SCG5: variants seen among roughly 807,000 people sequenced by gnomAD.
SCG5 encodes the protein neuroendocrine protein 7B2.
Under a neutral mutation model 25.7 loss-of-function variants are expected in SCG5, and 18 were observed. That is an observed-to-expected ratio of 0.70 (90% confidence interval 0.48 to 1.04). SCG5 has a LOEUF of 1.04. Among genes scored for constraint, SCG5 ranks in the 50% least tolerant of loss-of-function variants. The probability of loss-of-function intolerance (pLI) is 0.00; values close to 1 mark genes in which losing one functional copy is unlikely to be tolerated. For synonymous variants in SCG5, 101 were observed against 91.7 expected, an observed-to-expected ratio of 1.10 and a Z score of -0.58; for missense variants, 206 against 259.8, an observed-to-expected ratio of 0.79 and a Z score of 1.42.
At chr15:32,654,937 C>T (rs189905057) in intron 2 of SCG5, among the ~76,000 whole-genome samples, 2 of 152,284 alleles carry the variant, frequency 1.3e-5, no homozygotes, top group Non-Finnish European at 2.9e-5. Context: ...AGCATTTTGA[C>T]GGTAATAACC....
chr15:32,686,456 G>T (rs2054710940), intron 4 of SCG5, among the ~76,000 whole-genome samples: 1 of 151,914 alleles, frequency 6.6e-6, no homozygotes, highest in South Asian at 2.1e-4. Context: ...AACTAGAATT[G>T]GTATACGGAA....
chr15:32,669,161 A>C (rs913262255), intron 2 of SCG5: 2 of 152,188 alleles, frequency 1.3e-5, no homozygotes, highest in Middle Eastern at 6.3e-3. Flanking sequence ...ACTCATTATC[A>C]TGTTAGTAGA....
At chr15:32,653,366 T>C (rs955280619) in intron 2 of SCG5, among the ~76,000 whole-genome samples, 1 of 152,374 alleles carries the variant, frequency 6.6e-6, no homozygotes, top group African/African-American at 2.4e-5. Flanking sequence ...GTATGGCAAC[T>C]ACTAATTGCT....
At chr15:32,690,886 TA>T (rs77347591) in intron 4 of SCG5, among the ~76,000 whole-genome samples, 1 of 150,254 alleles carries the variant, frequency 6.7e-6, no homozygotes, top group Non-Finnish European at 1.5e-5. Flanking sequence ...TTCCTCCAGA[TA>T]AAAAAAATCA....
At chr15:32,684,299 A>G (rs1335377281) in intron 3 of SCG5, 2 of 420,626 alleles carry the variant, frequency 4.8e-6, no homozygotes, top group African/African-American at 4.1e-5. Flanking sequence ...AGGCTGGGAA[A>G]TTAGTCTAGC....
At chr15:32,672,903 C>T (rs1389477000) in intron 2 of SCG5, 6 of 118,704 alleles carry the variant, frequency 5.1e-5, no homozygotes, top group Non-Finnish European at 9.9e-5. Flanking sequence ...CTGTTGAAAC[C>T]ATAACATCAC....
chr15:32,695,851 G>A (rs1467576926), intron 5 of SCG5, among the ~76,000 whole-genome samples: 1 of 152,036 alleles, frequency 6.6e-6, no homozygotes, highest in Non-Finnish European at 1.5e-5. Context: ...ATGGGTCTTG[G>A]TATCTAAATT....
chr15:32,666,115 T>C (rs2054313860), intron 2 of SCG5, among the ~76,000 whole-genome samples: 1 of 152,212 alleles, frequency 6.6e-6, no homozygotes, highest in South Asian at 2.1e-4. Flanking sequence ...AGGTCTTCTT[T>C]TCCCCGAATG....
chr15:32,670,845 C>T (rs1475752493), intron 2 of SCG5, among the ~76,000 whole-genome samples: 1 of 152,214 alleles, frequency 6.6e-6, no homozygotes, highest in Non-Finnish European at 1.5e-5. Context: ...GTAAAAAGCT[C>T]AAATGTCCTG....
At chr15:32,679,951 G>A (rs771954680) in intron 3 of SCG5, 36 bp downstream of exon 3, 19 of 1,558,036 alleles carry the variant, frequency 1.2e-5, no homozygotes, top group Non-Finnish European at 1.5e-5. Flanking sequence ...ATGAAAAGTT[G>A]GGGCTTTGGA....
Position 32,643,802 on chromosome 15 carries a change from C to A in SCG5, c.210C>A (p.Gly70=), listed in dbSNP as rs1567067298. 1 of 1,613,264 alleles carries A rather than the reference C, an allele frequency of 6.2e-7. No individual in the cohort carries two copies. The highest frequency in any genetic ancestry group is 8.5e-7 in the Non-Finnish European group (1 of 1,179,648). The change falls in exon 2 of 6, where the codon GGC becomes GGA. Residue 70 remains glycine, a synonymous_variant. Transcript: ENST00000300175. ...CTCACCAGGCCATGAATCTTGTGGG[C>A]CCCCAGAGCATTGAAGGTATTTACT... ...YPAHQAMNLV[G]PQSIEGGAHE...
In SCG5 at chr15:32,642,461, G is replaced by A. The variant is rs535300144; in HGVS notation, c.-8+683G>A. On this transcript the variant is annotated intron_variant, in intron 1 of 5. Coordinates refer to ENST00000300175, the MANE Select transcript of SCG5 (RefSeq NM_001144757.3). ...TGGGCGCCTGTAATTCCAGCTACTC[G>A]GGAGGCTGAGGCAGGAGAATCACTT... Among the ~76,000 whole-genome samples the A allele has an allele frequency of 3.3e-5, 5 of 151,224 alleles. No individual in the cohort carries two copies. In the South Asian group the frequency reaches 8.4e-4, roughly 25 times the overall value.
intron 2 of SCG5, among the ~76,000 whole-genome samples, chr15:32,669,927 T>C (rs937016225): frequency 1.3e-5 from 2 of 150,638 alleles, no homozygotes; most frequent in African/African-American, 4.9e-5. Context: ...TTAAGCAAAA[T>C]ACCTTAAAAG....
chr15:32,693,657 G>A (rs556745249), intron 5 of SCG5, among the ~76,000 whole-genome samples: 50 of 152,294 alleles, frequency 3.3e-4, no homozygotes, highest in African/African-American at 1.1e-3. Flanking sequence ...CTCAGCATCT[G>A]CTGTGAGTTT....
chr15:32,674,233 C>T (rs1417153386), intron 2 of SCG5, among the ~76,000 whole-genome samples: 2 of 152,186 alleles, frequency 1.3e-5, no homozygotes, highest in Non-Finnish European at 2.9e-5. Flanking sequence ...ACCGATGCTT[C>T]AGTGATCTGA....
intron 2 of SCG5, among the ~76,000 whole-genome samples, chr15:32,655,623 C>T (rs985422564): frequency 1.6e-4 from 25 of 152,120 alleles, no homozygotes; most frequent in Non-Finnish European, 4.4e-5. Flanking sequence ...GATGCCTAAT[C>T]CCCACTGCAA....
At chr15:32,642,750 C>T (rs1423857702) in intron 1 of SCG5, among the ~76,000 whole-genome samples, 12 of 151,896 alleles carry the variant, frequency 7.9e-5, no homozygotes, top group Non-Finnish European at 1.6e-4. Flanking sequence ...TAGTTAACTC[C>T]CTCTCACCAC....
chr15:32,688,497 T>C (rs903638524), intron 4 of SCG5, among the ~76,000 whole-genome samples: 1 of 152,174 alleles, frequency 6.6e-6, no homozygotes, highest in Non-Finnish European at 1.5e-5. Flanking sequence ...TGCTCTTCAA[T>C]GTGGATTTGA....
At chr15:32,657,197 C>CTG (rs1567073356) in intron 2 of SCG5, among the ~76,000 whole-genome samples, 435 of 4,268 alleles carry the variant, frequency 0.1, 48 homozygotes, top group African/African-American at 0.28. Context: ...TTTCATCCTC[C>CTG]TGTATATATA....
Sources: gnomAD v4.1 joint callset for allele counts (sites outside exome capture counted in the v4.1 genomes callset) on GRCh38, gnomAD v4.1.1 for gene constraint, MANE v1.5 for transcripts, NCBI Gene and HGNC (gene_info 2026-07-23, HGNC 2026-07-21) for gene names.